The following ANTXR2 variants were observed in gnomAD, a reference collection of about 807,000 sequenced individuals.
The protein encoded by ANTXR2 is ANTXR cell adhesion molecule 2, also known as anthrax toxin receptor 2.
A neutral mutation model predicts 73.7 loss-of-function variants in ANTXR2; 44 were observed. That is an observed-to-expected ratio of 0.60 (90% CI 0.47 to 0.77). The LOEUF (loss-of-function observed/expected upper bound fraction) is 0.77. ANTXR2 is among the 30% of genes least tolerant of loss of function. The pLI, the probability that ANTXR2 is intolerant of heterozygous loss-of-function variation, is 0.00. For missense variants in ANTXR2, 604 were observed against 592.5 expected (o/e 1.02, Z -0.20); for synonymous variants, 217 against 205.9 (o/e 1.05, Z -0.46).
At position 80,019,027 on chromosome 4, in the gene ANTXR2, T is replaced by C. The variant is rs1322822078; in HGVS notation, c.867-51A>G. On this transcript the variant is annotated intron_variant, in intron 10 of 16. Transcript: ENST00000403729. ...TTATATACATTTAAAACCAGAGGAGTAGGAGATTTTTATTTCCTTATGTAA... is the reference window on the plus strand; with the variant it reads ...TTATATACATTTAAAACCAGAGGAGCAGGAGATTTTTATTTCCTTATGTAA... 1.5e-5 allele frequency: 19 copies of C among 1,231,754 alleles called. 1 individual carries two copies. The highest frequency in any genetic ancestry group is 5.3e-4 in the Middle Eastern group (2 of 3,806). The allele number at this position is 1,231,754 out of a possible 1,614,324, so 76.3% of individuals were successfully genotyped here. A position where few individuals can be genotyped will look rare whatever the true frequency, so the allele number is the denominator to read the frequency against.
intron 16 of ANTXR2, among the ~76,000 whole-genome samples, chr4:79,977,042 T>C (rs1256580671): frequency 1.3e-5 from 2 of 152,234 alleles, no homozygotes; most frequent in South Asian, 4.1e-4. Context: ...AACAAAAATA[T>C]AGCCTCAGAC....
rs750971718 is a variant in ANTXR2 at position 80,021,129 on chromosome 4, G to A, written c.867-2153C>T. 6.9e-5 allele frequency among the ~76,000 whole-genome samples: 8 copies of A among 116,156 alleles called. No homozygotes were observed. The South Asian group carries it at 1.9e-3, about 27-fold the overall frequency. 76.2% of individuals were successfully genotyped at this position (116,156 alleles called of 152,430 possible). A position where few individuals can be genotyped will look rare whatever the true frequency, so the allele number is the denominator to read the frequency against. ...ACACCACTGCACCCCCAGCCTGGGC[G>A]ACAGAGCGAGACTCCATCTCAAAAA... On this transcript the variant is annotated intron_variant, in intron 10 of 16. Transcript: ENST00000403729.
intron 7 of ANTXR2, among the ~76,000 whole-genome samples, chr4:80,037,872 T>C (rs1046869545): frequency 3.9e-5 from 6 of 152,124 alleles, no homozygotes; most frequent in Non-Finnish European, 7.4e-5. Context: ...GTGACAACAG[T>C]GAACCATCAA....
At chr4:80,044,468 A>G (rs1389926373) in intron 7 of ANTXR2, among the ~76,000 whole-genome samples, 1 of 151,866 alleles carries the variant, frequency 6.6e-6, no homozygotes, top group Non-Finnish European at 1.5e-5. Context: ...ATTTGTGGAG[A>G]GTTGTAGTTG....
chr4:79,911,289 G>A (rs1412660976), intron 16 of ANTXR2, among the ~76,000 whole-genome samples: 7 of 152,108 alleles, frequency 4.6e-5, no homozygotes, highest in Non-Finnish European at 8.8e-5. Context: ...AAAATAGCTT[G>A]AACATACAAC....
intron 10 of ANTXR2, among the ~76,000 whole-genome samples, chr4:80,031,265 TGCACACACATGTGTGTGC>T (rs1414841681): frequency 4.4e-4 from 27 of 61,564 alleles, no homozygotes; most frequent in Non-Finnish European, 1.3e-3. Flanking sequence ...GGTGTGTGCA[TGCACACACATGTGTGTGC>T]GTGTGCATGT....
At chr4:80,050,015 G>C (rs946322221) in intron 7 of ANTXR2, among the ~76,000 whole-genome samples, 1 of 151,622 alleles carries the variant, frequency 6.6e-6, no homozygotes, top group Non-Finnish European at 1.5e-5. Flanking sequence ...CATGATCCTT[G>C]ACCTAGTTCC....
At chr4:79,936,275 TCA>T (rs1443610155) in intron 16 of ANTXR2, among the ~76,000 whole-genome samples, 7 of 151,546 alleles carry the variant, frequency 4.6e-5, no homozygotes, top group Non-Finnish European at 1.0e-4. Flanking sequence ...TGATCTCTAT[TCA>T]GATAAATTTT....
At chr4:79,921,287 T>C (rs975828776) in intron 16 of ANTXR2, among the ~76,000 whole-genome samples, 1 of 152,086 alleles carries the variant, frequency 6.6e-6, no homozygotes, top group Non-Finnish European at 1.5e-5. Flanking sequence ...AAACATTTAT[T>C]GAGATTTTCC....
In ANTXR2 at chr4:79,977,667, C is replaced by T. The variant is rs769438869; in HGVS notation, c.1382G>A (p.Arg461Gln). 28 of 1,581,360 alleles carry T rather than the reference C, an allele frequency of 1.8e-5. No homozygotes were observed. In the African/African-American group the frequency reaches 2.2e-4, roughly 12 times the overall value. The change falls in exon 16 of 17, where the codon CGG (arginine) becomes CAG (glutamine). Residue 461 changes from arginine to glutamine, a missense_variant. Coordinates refer to ENST00000403729, the MANE Select transcript of ANTXR2 (RefSeq NM_058172.6). ...CATCAAAGAAACCCGGTCATACTGC[C>T]GCCTCAACAAAGCCCAGAGAGCATC... is the stretch of plus-strand genomic sequence containing the variant. ...RLDALWALLR[R>Q]QYDRVSLMRP...
At chr4:80,015,676 T>C (rs1020006016) in intron 11 of ANTXR2, among the ~76,000 whole-genome samples, 2 of 151,508 alleles carry the variant, frequency 1.3e-5, no homozygotes, top group Admixed American at 1.3e-4. Context: ...AGCTAATAAT[T>C]CTGCCAAGTA....
intron 3 of ANTXR2, among the ~76,000 whole-genome samples, chr4:80,061,236 C>T (rs897562921): frequency 1.3e-5 from 2 of 151,806 alleles, no homozygotes; most frequent in African/African-American, 2.4e-5. Flanking sequence ...GTAAATAAAT[C>T]GTAGGCCTAG....
At chr4:79,964,220 G>A (rs1295858045) in intron 16 of ANTXR2, among the ~76,000 whole-genome samples, 1 of 152,204 alleles carries the variant, frequency 6.6e-6, no homozygotes, top group Non-Finnish European at 1.5e-5. Flanking sequence ...GCTCCTTGGA[G>A]ATTTAATTGG....
At chr4:80,027,048 C>G (rs1225086976) in intron 10 of ANTXR2, among the ~76,000 whole-genome samples, 1 of 152,084 alleles carries the variant, frequency 6.6e-6, no homozygotes, top group African/African-American at 2.4e-5. Flanking sequence ...AAGCCCTTAG[C>G]TTTAACCCAT....
chr4:79,953,077 A>G (rs895629986), intron 16 of ANTXR2, among the ~76,000 whole-genome samples: 49 of 152,242 alleles, frequency 3.2e-4, no homozygotes, highest in African/African-American at 1.2e-3. Context: ...TGTCTACCAC[A>G]GGACCTAGTG....
chr4:79,950,710 A>C (rs548555259), intron 16 of ANTXR2, among the ~76,000 whole-genome samples: 7 of 152,338 alleles, frequency 4.6e-5, no homozygotes, highest in African/African-American at 1.4e-4. Context: ...ACTGTTCCTC[A>C]GTCCCTTAAA....
chr4:80,042,738 C>A (rs548332515), intron 7 of ANTXR2, among the ~76,000 whole-genome samples: 15 of 152,094 alleles, frequency 9.9e-5, no homozygotes, highest in Admixed American at 4.6e-4. Context: ...GGCAGTCTAA[C>A]AATTTTAAAG....
At chr4:80,032,817 C>T (rs533646069) in intron 9 of ANTXR2, among the ~76,000 whole-genome samples, 3 of 151,760 alleles carry the variant, frequency 2.0e-5, no homozygotes, top group South Asian at 2.1e-4. Context: ...AAAACAAAAA[C>T]GTACTCTTGG....
chr4:80,052,481 A>G (rs1733815118), intron 7 of ANTXR2, among the ~76,000 whole-genome samples: 1 of 151,678 alleles, frequency 6.6e-6, no homozygotes, highest in African/African-American at 2.4e-5. Context: ...TAATCAAACC[A>G]GGTTTGGTTG....
Sources: allele counts gnomAD v4.1 joint callset (sites outside exome capture counted in the v4.1 genomes callset), GRCh38; gene constraint gnomAD v4.1.1; transcripts MANE v1.5; gene names NCBI Gene and HGNC (gene_info 2026-07-23, HGNC 2026-07-21).